SCEL: variants seen among roughly 807,000 people sequenced by gnomAD.
The protein encoded by SCEL is sciellin.
In SCEL, 113 loss-of-function variants were observed where a neutral mutation model predicts 117.6. The observed-to-expected ratio is 0.96, with a 90% CI of 0.83 to 1.12. The LOEUF is 1.12. SCEL is among the 50% of genes most tolerant of loss of function. SCEL has a pLI of 0.00. For synonymous variants in SCEL, 270 were observed against 256.2 expected, an observed-to-expected ratio of 1.05 and a Z score of -0.51; for missense variants, 785 against 810.8, an observed-to-expected ratio of 0.97 and a Z score of 0.39.
chr13:77,593,290 GTGTGTGT>G (rs2086995273), intron 11 of SCEL, among the ~76,000 whole-genome samples: 2 of 122,336 alleles, frequency 1.6e-5, no homozygotes, highest in African/African-American at 7.4e-5. Flanking sequence ...GTGTGTGTGT[GTGTGTGT>G]CTGTGTGTGT....
At position 77,632,159 on chromosome 13, in the gene SCEL, G is replaced by T. The variant is rs1378187493; in HGVS notation, c.1692-2220G>T. On this transcript the variant is annotated intron_variant, in intron 28 of 32. Coordinates refer to ENST00000349847, the MANE Select transcript of SCEL (RefSeq NM_144777.3). ...GTCTCCTAATATAGTCACATTGAAG[G>T]TTATGGCTTAAACATGTAAATTTTG... 2.0e-5 allele frequency among the ~76,000 whole-genome samples: 3 copies of T among 152,132 alleles called. No individual in the cohort carries two copies. In the East Asian group the frequency reaches 5.8e-4, roughly 29 times the overall value.
intron 10 of SCEL, among the ~76,000 whole-genome samples, chr13:77,589,791 T>C (rs542336827): frequency 5.3e-5 from 8 of 152,154 alleles, no homozygotes; most frequent in Non-Finnish European, 8.8e-5. Flanking sequence ...GATGTTCTAA[T>C]TGACTTGTCT....
chr13:77,609,025 T>C (rs970657969), intron 20 of SCEL, 33 bp from the exon 21 acceptor site: 17 of 1,495,556 alleles, frequency 1.1e-5, no homozygotes, highest in Non-Finnish European at 1.6e-5. Context: ...ATTCCATTTT[T>C]ATTTATGATG....
intron 9 of SCEL, among the ~76,000 whole-genome samples, chr13:77,586,354 C>T (rs2086564027): frequency 6.6e-6 from 1 of 152,148 alleles, no homozygotes; most frequent in South Asian, 2.1e-4. Context: ...TCTCTGGCTC[C>T]CGCTTTCTCT....
At chr13:77,609,783 A>G (rs2088501143) in intron 21 of SCEL, among the ~76,000 whole-genome samples, 1 of 152,210 alleles carries the variant, frequency 6.6e-6, no homozygotes, top group Admixed American at 6.5e-5. Flanking sequence ...AAATTAGACA[A>G]ATCATGTAAA....
intron 4 of SCEL, among the ~76,000 whole-genome samples, chr13:77,561,930 G>A (rs2085001998): frequency 6.6e-6 from 1 of 152,216 alleles, no homozygotes; most frequent in Non-Finnish European, 1.5e-5. Flanking sequence ...CAGAGAGCTG[G>A]CATGAGTGGG....
In SCEL at chr13:77,602,698, A is replaced by G; in HGVS notation, c.1022A>G (p.Asn341Ser). ...ESVAKVNARM[N>S]KTSRRSEDLD... is the part of the protein sequence containing the mutation. Reference sequence around the variant, plus strand: ...GTTGCTAAAGTGAATGCCAGGATGAATAAAACGAGCAGAAGGTGAGAACTG... The same window carrying G: ...GTTGCTAAAGTGAATGCCAGGATGAGTAAAACGAGCAGAAGGTGAGAACTG... Residue 341 changes from asparagine to serine, a missense_variant, in exon 17 of 33, where the codon AAT becomes AGT. Coordinates refer to ENST00000349847, the MANE Select transcript of SCEL (RefSeq NM_144777.3). 1 of 1,613,790 alleles carries G rather than the reference A, an allele frequency of 6.2e-7. No homozygotes were observed. The highest frequency in any genetic ancestry group is 8.5e-7 in the Non-Finnish European group (1 of 1,179,768).
chr13:77,582,690 G>C (rs908110662), intron 9 of SCEL, among the ~76,000 whole-genome samples: 1 of 152,068 alleles, frequency 6.6e-6, no homozygotes, highest in Non-Finnish European at 1.5e-5. Flanking sequence ...TTCTCTTAAC[G>C]ATGCACTTTT....
intron 22 of SCEL, 48 bp downstream of exon 22, chr13:77,610,154 T>C (rs1474688363): frequency 7.2e-7 from 1 of 1,385,216 alleles, no homozygotes; most frequent in Non-Finnish European, 1.0e-6. Context: ...TTTTTCCTAA[T>C]GAGCTTAAAA....
intron 10 of SCEL, 123 bp downstream of exon 10, chr13:77,589,347 C>T: frequency 1.7e-6 from 1 of 595,032 alleles, no homozygotes; most frequent in South Asian, 2.8e-5. Context: ...TAAAGAAGCG[C>T]CTGTAGAACT....
chr13:77,568,383 A>G (rs1483758533), intron 7 of SCEL, 50 bp downstream of exon 7: 2 of 1,146,452 alleles, frequency 1.7e-6, no homozygotes, highest in Non-Finnish European at 2.6e-6. Context: ...TATTCAAGAA[A>G]AACCAGGGAA....
Position 77,633,922 on chromosome 13 carries a change from A to G in SCEL, c.1692-457A>G, listed in dbSNP as rs1171354592. Among the ~76,000 whole-genome samples, 4 of 152,244 alleles carry G rather than the reference A, an allele frequency of 2.6e-5. 1 individual carries two copies. The highest frequency in any genetic ancestry group is 6.3e-3 in the Middle Eastern group (2 of 316). On this transcript the variant is annotated intron_variant, in intron 28 of 32. Coordinates refer to ENST00000349847, the MANE Select transcript of SCEL (RefSeq NM_144777.3). ...TAAAAAGTCTACAATTTAAAAAAGCATGATGGTGACATTAGTGTGACATTC... is the reference window on the plus strand; with the variant it reads ...TAAAAAGTCTACAATTTAAAAAAGCGTGATGGTGACATTAGTGTGACATTC...
intron 28 of SCEL, among the ~76,000 whole-genome samples, 161 bp downstream of exon 28, chr13:77,628,170 G>GTATATATATATATATA (rs67297453): frequency 1.4e-5 from 2 of 139,740 alleles, no homozygotes; most frequent in African/African-American, 5.3e-5. Context: ...ATATGTGTGT[G>GTATATATATATATATA]TATATATATA....
chr13:77,552,576 T>G (rs1156590171), intron 1 of SCEL, among the ~76,000 whole-genome samples: 2 of 152,190 alleles, frequency 1.3e-5, no homozygotes, highest in African/African-American at 4.8e-5. Flanking sequence ...TTGAGTTCAT[T>G]GTAGATTCTG....
intron 9 of SCEL, among the ~76,000 whole-genome samples, chr13:77,586,477 C>T (rs765635515): frequency 2.6e-5 from 4 of 152,088 alleles, no homozygotes; most frequent in Non-Finnish European, 5.9e-5. Flanking sequence ...CTCATATTCT[C>T]ATTTCCCTCC....
chr13:77,574,294 G>A (rs964440364), intron 9 of SCEL, among the ~76,000 whole-genome samples: 1 of 152,132 alleles, frequency 6.6e-6, no homozygotes, highest in African/African-American at 2.4e-5. Context: ...TTTATGCACT[G>A]CTGGATGTGA....
intron 1 of SCEL, among the ~76,000 whole-genome samples, chr13:77,541,588 G>C (rs1011442768): frequency 5.9e-5 from 9 of 152,120 alleles, no homozygotes; most frequent in Non-Finnish European, 1.2e-4. Context: ...ATATTTTGTA[G>C]CTGCAAAATA....
intron 19 of SCEL, among the ~76,000 whole-genome samples, chr13:77,605,777 C>T (rs1434825947): frequency 2.6e-5 from 4 of 152,098 alleles, no homozygotes; most frequent in South Asian, 2.1e-4. Context: ...GAGGCCGAGG[C>T]GGGTGGATCA....
At chr13:77,549,611 A>G in intron 1 of SCEL, among the ~76,000 whole-genome samples, 1 of 152,222 alleles carries the variant, frequency 6.6e-6, no homozygotes, top group Non-Finnish European at 1.5e-5. Flanking sequence ...CGATCAGAAG[A>G]CAGAAAGTTT....
Sources: gnomAD v4.1 joint callset for allele counts (sites outside exome capture counted in the v4.1 genomes callset) on GRCh38, gnomAD v4.1.1 for gene constraint, MANE v1.5 for transcripts, NCBI Gene and HGNC (gene_info 2026-07-23, HGNC 2026-07-21) for gene names.